The following AXIN2 variants were observed in gnomAD, a reference collection of about 807,000 sequenced individuals.
AXIN2 encodes the protein axin-2.
Under a neutral mutation model 74.7 loss-of-function variants are expected in AXIN2, and 21 were observed. That is an observed-to-expected ratio of 0.28 (90% CI 0.20 to 0.40). AXIN2 has a LOEUF of 0.40. Among genes scored for constraint, AXIN2 ranks in the 10% least tolerant of loss-of-function variants. AXIN2 has a pLI of 1.00. For missense variants in AXIN2, 1,144 were observed against 1,111.1 expected (o/e 1.03, Z -0.42); for synonymous variants, 532 against 454.9 (o/e 1.17, Z -2.16).
intron 3 of AXIN2, 60 bp from the exon 4 acceptor site, chr17:65,541,617 T>A (rs1000364213): frequency 2.9e-6 from 4 of 1,377,604 alleles, no homozygotes; most frequent in Non-Finnish European, 4.1e-6. Flanking sequence ...GCACATCACA[T>A]GGGCTACTGT....
chr17:65,533,174 C>T (rs1452861348), intron 10 of AXIN2, among the ~76,000 whole-genome samples: 2 of 152,232 alleles, frequency 1.3e-5, no homozygotes, highest in Non-Finnish European at 2.9e-5. Flanking sequence ...AGGGCACCTC[C>T]GTCCACTCTG....
chr17:65,536,857 A>G lies in AXIN2; in HGVS notation c.1907+12T>C. On this transcript the variant is annotated intron_variant, in intron 7 of 10. Coordinates refer to ENST00000307078, the MANE Select transcript of AXIN2 (RefSeq NM_004655.4). ...GACCCTCGCGGCCGCGGCGGCGGCAAGCGGTGTTTACCTATGGGGCTTGGG... is the reference window on the plus strand; with the variant it reads ...GACCCTCGCGGCCGCGGCGGCGGCAGGCGGTGTTTACCTATGGGGCTTGGG... 1.9e-6 allele frequency: 3 copies of G among 1,612,802 alleles called. No homozygotes were observed. Among genetic ancestry groups the G allele is most frequent in the Non-Finnish European group, 2.5e-6 (3 of 1,179,876 alleles).
intron 5 of AXIN2, 77 bp from the exon 6 acceptor site, chr17:65,537,912 C>G: frequency 3.4e-6 from 5 of 1,478,450 alleles, no homozygotes; most frequent in Non-Finnish European, 4.5e-6. Context: ...CAACATTCGG[C>G]TCCCTACGCA....
At chr17:65,550,041 C>G (rs898915989) in intron 2 of AXIN2, among the ~76,000 whole-genome samples, 1 of 152,182 alleles carries the variant, frequency 6.6e-6, no homozygotes, top group Non-Finnish European at 1.5e-5. Context: ...ATATCTTTCT[C>G]TGCTCCACCT....
chr17:65,558,636 C>G lies in AXIN2; in HGVS notation c.-16G>C, dbSNP rs751021505. Reference sequence around the variant, plus strand: ...CGCTACTCATGGTGAGGGAGCTCTTCCCACTGAGTCTGGGAATTTTTCTTC... The same window carrying G: ...CGCTACTCATGGTGAGGGAGCTCTTGCCACTGAGTCTGGGAATTTTTCTTC... On this transcript the variant is annotated 5_prime_UTR_variant, in exon 2 of 11. Coordinates refer to ENST00000307078, the MANE Select transcript of AXIN2 (RefSeq NM_004655.4). The G allele has an allele frequency of 6.2e-7, 1 of 1,600,906 alleles. No individual in the cohort carries two copies. Among genetic ancestry groups the G allele is most frequent in the African/African-American group, 1.3e-5 (1 of 74,988 alleles).
chr17:65,548,942 C>G (rs2044153616), intron 3 of AXIN2, among the ~76,000 whole-genome samples: 2 of 152,188 alleles, frequency 1.3e-5, no homozygotes, highest in Admixed American at 1.3e-4. Flanking sequence ...CACAGAGTAT[C>G]TAACACTCCA....
intron 2 of AXIN2, among the ~76,000 whole-genome samples, chr17:65,555,717 T>A (rs2044257575): frequency 6.6e-6 from 1 of 152,110 alleles, no homozygotes; most frequent in Non-Finnish European, 1.5e-5. Flanking sequence ...ACCCAAGCAG[T>A]AAGTGGTGGA....
In AXIN2 at chr17:65,556,700, G is replaced by A. The variant is rs147436629; in HGVS notation, c.815+1106C>T. On this transcript the variant is annotated intron_variant, in intron 2 of 10. Transcript: ENST00000307078. Reference sequence around the variant, plus strand: ...TGAGAGGCTCAAGATCAACCATCTGGTGCCCACCTCTCTTCCTGCTGCTGG... The same window carrying A: ...TGAGAGGCTCAAGATCAACCATCTGATGCCCACCTCTCTTCCTGCTGCTGG... 7.2e-5 allele frequency among the ~76,000 whole-genome samples: 11 copies of A among 152,216 alleles called. No homozygotes were observed. In the East Asian group the frequency reaches 2.1e-3, roughly 29 times the overall value.
In AXIN2 at chr17:65,558,114, G is replaced by A. The variant is rs1730093046; in HGVS notation, c.507C>T (p.Ile169=). The A allele has an allele frequency of 1.2e-6, 2 of 1,614,006 alleles. No homozygotes were observed. The highest frequency in any genetic ancestry group is 2.2e-5 in the South Asian group (2 of 91,078). The change falls in exon 2 of 11, where the codon ATC becomes ATT. Residue 169 remains isoleucine, a synonymous_variant. Coordinates refer to ENST00000307078, the MANE Select transcript of AXIN2 (RefSeq NM_004655.4). ...DGIKKQQIDS[I]MFDQAQTEIQ... ...TCTCGGTCTGCGCCTGGTCAAACATGATGGAATCAATCTGCTGCTTCTTGA... is the reference window on the plus strand; with the variant it reads ...TCTCGGTCTGCGCCTGGTCAAACATAATGGAATCAATCTGCTGCTTCTTGA...
At chr17:65,539,980 C>T (rs1310058495) in intron 4 of AXIN2, among the ~76,000 whole-genome samples, 2 of 152,188 alleles carry the variant, frequency 1.3e-5, no homozygotes, top group African/African-American at 2.4e-5. Context: ...CTTCATCCAC[C>T]ATCTCAGTCA....
At chr17:65,545,522 A>C (rs1043053102) in intron 3 of AXIN2, among the ~76,000 whole-genome samples, 3 of 152,120 alleles carry the variant, frequency 2.0e-5, no homozygotes, top group Non-Finnish European at 4.4e-5. Flanking sequence ...GCCCCGTCTC[A>C]ACTAAAAATA....
chr17:65,531,932 T>C (rs992742604), intron 10 of AXIN2, among the ~76,000 whole-genome samples: 1 of 152,140 alleles, frequency 6.6e-6, no homozygotes, highest in Non-Finnish European at 1.5e-5. Context: ...GGGTCTTTTT[T>C]ATTTTTTTGA....
chr17:65,532,385 G>T (rs2043836806), intron 10 of AXIN2, among the ~76,000 whole-genome samples: 1 of 152,186 alleles, frequency 6.6e-6, no homozygotes, highest in Non-Finnish European at 1.5e-5. Flanking sequence ...GGACACACTT[G>T]TGTCATTAGT....
At chr17:65,558,862 G>A (rs1470539195) in intron 1 of AXIN2, 126 bp from the exon 2 acceptor site, 3 of 542,222 alleles carry the variant, frequency 5.5e-6, no homozygotes, top group South Asian at 2.2e-5. Context: ...TTCAAATCAA[G>A]CAACCCAGCT....
chr17:65,535,602 G>A, intron 9 of AXIN2, 24 bp downstream of exon 9: 2 of 1,600,872 alleles, frequency 1.2e-6, no homozygotes, highest in South Asian at 2.2e-5. Context: ...GCAGATCTCA[G>A]TAATGTCAGG....
Position 65,542,133 on chromosome 17 carries a change from AAAG to A in AXIN2, c.957-579_957-577del, listed in dbSNP as rs540695270. ...TAAACCAGTACAGCGTGATTAATAA[AAAG>A]AATATATAACATTTAGGCCCCTTCT... On this transcript the variant is annotated intron_variant, in intron 3 of 10. Coordinates refer to ENST00000307078, the MANE Select transcript of AXIN2 (RefSeq NM_004655.4). 9.7e-4 allele frequency among the ~76,000 whole-genome samples: 148 copies of A among 152,362 alleles called. 1 individual carries two copies. The highest frequency in any genetic ancestry group is 3.5e-3 in the African/African-American group (145 of 41,580).
intron 9 of AXIN2, among the ~76,000 whole-genome samples, chr17:65,534,723 G>GT (rs1176788979): frequency 9.8e-5 from 15 of 152,294 alleles, no homozygotes; most frequent in African/African-American, 3.6e-4. Context: ...GAGGTCAGGA[G>GT]TTTGAGACCA....
intron 9 of AXIN2, among the ~76,000 whole-genome samples, chr17:65,534,467 A>G (rs2043875583): frequency 6.6e-6 from 1 of 152,226 alleles, no homozygotes; most frequent in African/African-American, 2.4e-5. Context: ...CCTGGATTGG[A>G]GAGTGCTAAA....
In AXIN2 at chr17:65,538,239, G is replaced by A. The variant is rs781122679; in HGVS notation, c.1164C>T (p.Arg388=). The A allele has an allele frequency of 3.1e-6, 5 of 1,614,212 alleles. No homozygotes were observed. The Admixed American group carries it at 6.7e-5, about 22-fold the overall frequency. ...GCTGCAGGCGCTCCTCCAGGCTGTG[G>A]CGGCTCTCCAACTCCAGCTTCAGCT... ...LEKLKLELES[R]HSLEERLQQI... is the part of the protein sequence containing the mutation. Residue 388 remains arginine (R), a synonymous_variant, in exon 5 of 11, where the codon CGC becomes CGT. Transcript: ENST00000307078.
Sources: gnomAD v4.1 joint callset for allele counts (sites outside exome capture counted in the v4.1 genomes callset) on GRCh38, gnomAD v4.1.1 for gene constraint, MANE v1.5 for transcripts, NCBI Gene and HGNC (gene_info 2026-07-23, HGNC 2026-07-21) for gene names.